HADHB: variants seen among roughly 807,000 people sequenced by gnomAD.
HADHB encodes the protein hydroxyacyl-CoA dehydrogenase trifunctional multienzyme complex subunit beta, also known as trifunctional enzyme subunit beta, mitochondrial.
Under a neutral mutation model 61.9 loss-of-function variants are expected in HADHB, and 50 were observed. The ratio of observed to expected loss-of-function variants is 0.81; its 90% CI spans 0.64 to 1.02. The LOEUF (loss-of-function observed/expected upper bound fraction) is 1.02, where lower values mean the gene tolerates loss of function less well. HADHB is among the 50% of genes least tolerant of loss of function. HADHB has a pLI of 0.00. For missense variants in HADHB, 504 were observed against 586.5 expected (o/e 0.86, Z 1.45); for synonymous variants, 191 against 201.6 (o/e 0.95, Z 0.45).
At chr2:26,283,747 G>A (rs1028886759) in intron 12 of HADHB, among the ~76,000 whole-genome samples, 1 of 152,074 alleles carries the variant, frequency 6.6e-6, no homozygotes, top group Non-Finnish European at 1.5e-5. Flanking sequence ...GCCTCCCCAT[G>A]TTTAGACTCT....
In HADHB at chr2:26,264,864, C is replaced by T. The variant is rs56692012; in HGVS notation, c.209+1385C>T. Among the ~76,000 whole-genome samples, 875 of 151,938 alleles carry T rather than the reference C, an allele frequency of 5.8e-3. 7 individuals are homozygous for T. The highest frequency in any genetic ancestry group is 0.02 in the African/African-American group (819 of 41,416). ...AATTAGCTGGGTGTAGTGGTATGCA[C>T]CTCTAGTCCCAGCTACTCGAGACAC... On this transcript the variant is annotated intron_variant, in intron 4 of 15. Coordinates refer to ENST00000317799, the MANE Select transcript of HADHB (RefSeq NM_000183.3).
chr2:26,276,572 G>T (rs1672540629), intron 6 of HADHB, among the ~76,000 whole-genome samples: 1 of 152,164 alleles, frequency 6.6e-6, no homozygotes, highest in Non-Finnish European at 1.5e-5. Flanking sequence ...TTTATGAAGG[G>T]TCAGTTCTTT....
At chr2:26,247,840 G>A (rs1671226457) in intron 1 of HADHB, among the ~76,000 whole-genome samples, 1 of 152,126 alleles carries the variant, frequency 6.6e-6, no homozygotes, top group Non-Finnish European at 1.5e-5. Context: ...AAGGACTTGA[G>A]CATCCTTGAG....
chr2:26,257,955 C>T (rs1301724336), intron 3 of HADHB, among the ~76,000 whole-genome samples: 2 of 151,834 alleles, frequency 1.3e-5, no homozygotes, highest in Admixed American at 1.3e-4. Context: ...GGAGGCAGAG[C>T]TTGCAGTGAG....
chr2:26,270,021 C>A, intron 5 of HADHB, 24 bp downstream of exon 5: 2 of 1,520,642 alleles, frequency 1.3e-6, no homozygotes, highest in Non-Finnish European at 1.8e-6. Flanking sequence ...GTTTCATTTC[C>A]GTTCTTATTT....
At chr2:26,266,909 A>AAAT (rs1241906033) in intron 4 of HADHB, among the ~76,000 whole-genome samples, 5 of 140,772 alleles carry the variant, frequency 3.6e-5, no homozygotes, top group Non-Finnish European at 6.2e-5. Flanking sequence ...TGTAAATGAT[A>AAAT]AATAATTTAT....
At chr2:26,269,106 G>C (rs1332085496) in intron 4 of HADHB, among the ~76,000 whole-genome samples, 1 of 150,630 alleles carries the variant, frequency 6.6e-6, no homozygotes, top group East Asian at 1.9e-4. Context: ...CTGAGATTGC[G>C]CCATTGCACT....
chr2:26,260,207 C>T (rs1449547793), intron 3 of HADHB, among the ~76,000 whole-genome samples: 1 of 151,612 alleles, frequency 6.6e-6, no homozygotes, highest in Non-Finnish European at 1.5e-5. Flanking sequence ...TCAGCCTCCC[C>T]AGTAGCTGGG....
At chr2:26,255,541 G>A (rs1671575207) in intron 3 of HADHB, among the ~76,000 whole-genome samples, 1 of 151,314 alleles carries the variant, frequency 6.6e-6, no homozygotes, top group South Asian at 2.1e-4. Context: ...CCTGGGATTT[G>A]GTTCCCAGGA....
intron 3 of HADHB, among the ~76,000 whole-genome samples, chr2:26,258,339 A>G (rs1214171082): frequency 1.3e-5 from 2 of 152,158 alleles, no homozygotes; most frequent in East Asian, 3.8e-4. Context: ...AAGGAATGGA[A>G]CCTTGGGCCA....
chr2:26,260,876 A>T (rs1435669487), intron 3 of HADHB: 1 of 634,766 alleles, frequency 1.6e-6, no homozygotes, highest in Non-Finnish European at 2.8e-6. Context: ...ATGGTTTACA[A>T]ACTCTGGCTT....
At position 26,254,272 on chromosome 2, in the gene HADHB, C is replaced by A; in HGVS notation, c.18C>A (p.Tyr6Ter). Residue 6 changes from tyrosine to a stop codon, truncating the protein, a stop_gained, in exon 2 of 16, where the codon TAC becomes TAA. Coordinates refer to ENST00000317799, the MANE Select transcript of HADHB (RefSeq NM_000183.3). LOFTEE classifies it high-confidence loss of function. MTILT[Y>*]PFKNLPTASK... ...ATTCCAGAATGACTATCTTGACTTA[C>A]CCCTTTAAAAATCTTCCCACTGCAT... 6.8e-7 allele frequency: 1 copy of A among 1,474,000 alleles called. No homozygotes were observed. Among genetic ancestry groups the A allele is most frequent in the Non-Finnish European group, 9.5e-7 (1 of 1,052,584 alleles). The allele number at this position is 1,474,000 out of a possible 1,614,324, so 91.3% of individuals were successfully genotyped here.
chr2:26,289,698 A>T (rs1485105074), intron 15 of HADHB, among the ~76,000 whole-genome samples: 2 of 152,162 alleles, frequency 1.3e-5, no homozygotes, highest in African/African-American at 4.8e-5. Context: ...ATGTTATGTG[A>T]TGCCCACAAA....
intron 7 of HADHB, 112 bp downstream of exon 7, chr2:26,277,272 C>CT: frequency 1.7e-6 from 1 of 599,602 alleles, no homozygotes; most frequent in Non-Finnish European, 3.0e-6. Context: ...GAACCTCACT[C>CT]TGTCACTCAG....
At chr2:26,282,726 A>G (rs1672842946) in intron 10 of HADHB, 119 bp from the exon 11 acceptor site, 3 of 733,660 alleles carry the variant, frequency 4.1e-6, no homozygotes, top group South Asian at 3.0e-5. Flanking sequence ...GTGTTGTTAT[A>G]TAGAATCACT....
At position 26,279,157 on chromosome 2, in the gene HADHB, C is replaced by T. The variant is rs1295138799; in HGVS notation, c.653C>T (p.Ser218Phe). 6 of 1,613,882 alleles carry T rather than the reference C, an allele frequency of 3.7e-6. No individual in the cohort carries two copies. The highest frequency in any genetic ancestry group is 1.3e-5 in the African/African-American group (1 of 74,894). The change falls in exon 9 of 16, where the codon TCC becomes TTC. Residue 218 changes from serine (S) to phenylalanine (F), a missense_variant. Transcript: ENST00000317799. ...CAGCTCCCTGCGGTTTCTGAGTTCTCCACCAGTGAGACCATGGGCCACTCT... is the reference window on the plus strand; with the variant it reads ...CAGCTCCCTGCGGTTTCTGAGTTCTTCACCAGTGAGACCATGGGCCACTCT... ...APELPAVSEF[S>F]TSETMGHSAD...
Position 26,264,625 on chromosome 2 carries a change from A to G in HADHB, c.209+1146A>G, listed in dbSNP as rs185797126. On this transcript the variant is annotated intron_variant, in intron 4 of 15. Transcript: ENST00000317799. ...GTGCAATGACTTATGAAAGATACAC[A>G]TGTGTGTGTGTATGTGTGTATACAC... 4.1e-3 allele frequency among the ~76,000 whole-genome samples: 616 copies of G among 150,500 alleles called. 4 individuals carry two copies. The highest frequency in any genetic ancestry group is 5.2e-3 in the Non-Finnish European group (354 of 67,776).
chr2:26,258,261 C>T (rs1671712620), intron 3 of HADHB, among the ~76,000 whole-genome samples: 1 of 152,146 alleles, frequency 6.6e-6, no homozygotes. Flanking sequence ...CAAGATGGGG[C>T]AGGCGGCTCC....
intron 3 of HADHB, among the ~76,000 whole-genome samples, chr2:26,262,799 A>T (rs1423873401): frequency 6.6e-6 from 1 of 152,072 alleles, no homozygotes; most frequent in Non-Finnish European, 1.5e-5. Context: ...GTTGTCAAAC[A>T]CTTAGTAAAA....
Sources: gnomAD v4.1 joint callset for allele counts (sites outside exome capture counted in the v4.1 genomes callset) on GRCh38, gnomAD v4.1.1 for gene constraint, MANE v1.5 for transcripts, NCBI Gene and HGNC (gene_info 2026-07-23, HGNC 2026-07-21) for gene names.